Variants in TBC1D19 observed in about 807,000 individuals in gnomAD.
TBC1D19 encodes TBC1 domain family member 19, also known as TBC1 domain family, member 19.
TBC1D19 carries 60 observed loss-of-function variants against 89.0 expected under a neutral mutation model. The observed-to-expected ratio is 0.67, with a 90% CI of 0.55 to 0.84. The LOEUF (loss-of-function observed/expected upper bound fraction) is 0.84. Among genes scored for constraint, TBC1D19 ranks in the 40% least tolerant of loss-of-function variants. The pLI is 0.00. For missense variants in TBC1D19, 500 were observed against 610.8 expected, an observed-to-expected ratio of 0.82 and a Z score of 1.91; for synonymous variants, 189 against 199.7, an observed-to-expected ratio of 0.95 and a Z score of 0.45.
At chr4:26,681,018 C>A (rs1236362361) in intron 11 of TBC1D19, among the ~76,000 whole-genome samples, 1 of 152,044 alleles carries the variant, frequency 6.6e-6, no homozygotes, top group Admixed American at 6.5e-5. Flanking sequence ...TTATGAATGA[C>A]AAATCATTGA....
chr4:26,583,893 C>G (rs751673684), upstream of TBC1D19: 3 of 375,794 alleles, frequency 8.0e-6, no homozygotes, highest in Non-Finnish European at 9.9e-6. Flanking sequence ...CGCTGTGGCT[C>G]TGAAAGAATG....
intron 13 of TBC1D19, among the ~76,000 whole-genome samples, chr4:26,709,448 GTTTCC>G (rs1007314655): frequency 2.0e-5 from 3 of 152,028 alleles, no homozygotes; most frequent in African/African-American, 7.2e-5. Flanking sequence ...CAACAACAGT[GTTTCC>G]TTCCTCCGAT....
At chr4:26,638,309 T>C (rs138850400) in intron 5 of TBC1D19, among the ~76,000 whole-genome samples, 1 of 151,774 alleles carries the variant, frequency 6.6e-6, no homozygotes, top group African/African-American at 2.4e-5. Context: ...AAGGATGGTG[T>C]TTAAAAAGGG....
rs188114757 is a variant in TBC1D19, at chr4:26,690,818, C to T, written c.954+2411C>T. On this transcript the variant is annotated intron_variant, in intron 13 of 20. Coordinates refer to ENST00000264866, the MANE Select transcript of TBC1D19 (RefSeq NM_018317.4). ...AATGTTGTTTTCATACCTAGTAACACGACATCCATTCTGCAGCCCATGGAT... is the reference window on the plus strand; with the variant it reads ...AATGTTGTTTTCATACCTAGTAACATGACATCCATTCTGCAGCCCATGGAT... Among the ~76,000 whole-genome samples the T allele has an allele frequency of 2.0e-3, 300 of 152,298 alleles. 1 individual carries two copies. Among genetic ancestry groups the T allele is most frequent in the African/African-American group, 6.3e-3 (263 of 41,562 alleles).
upstream of TBC1D19, among the ~76,000 whole-genome samples, chr4:26,582,623 A>T (rs974524175): frequency 6.6e-6 from 1 of 152,234 alleles, no homozygotes; most frequent in Non-Finnish European, 1.5e-5. Flanking sequence ...GAAGGACTAT[A>T]AAGAGTTGAC....
intron 13 of TBC1D19, among the ~76,000 whole-genome samples, chr4:26,709,055 G>T (rs1173929318): frequency 6.6e-6 from 1 of 150,736 alleles, no homozygotes; most frequent in Non-Finnish European, 1.5e-5. Context: ...TGTTGTTGTT[G>T]TTGAAAAAGG....
the TBC1D19 span, among the ~76,000 whole-genome samples, chr4:26,817,981 A>ATATATATATATATATAT: frequency 2.9e-4 from 37 of 126,032 alleles, no homozygotes; most frequent in African/African-American, 1.3e-3. Flanking sequence ...AAAAAAAAAA[A>ATATATATATATATATAT]ATATATATAT....
chr4:26,774,808 T>TG, the TBC1D19 span, among the ~76,000 whole-genome samples: 5 of 152,192 alleles, frequency 3.3e-5, no homozygotes, highest in Admixed American at 6.5e-5. Context: ...CTGTTTGCAT[T>TG]GCTAAAAGTT....
intron 7 of TBC1D19, among the ~76,000 whole-genome samples, chr4:26,645,607 C>G (rs375811160): frequency 2.0e-5 from 3 of 152,060 alleles, no homozygotes; most frequent in Admixed American, 1.3e-4. Flanking sequence ...AAGGACTTCA[C>G]GTCTAAAACA....
chr4:26,735,574 T>C, intron 16 of TBC1D19, 87 bp downstream of exon 16: 2 of 1,230,842 alleles, frequency 1.6e-6, no homozygotes, highest in Non-Finnish European at 2.2e-6. Context: ...ACAGATATAA[T>C]TGTTTTACTA....
intron 4 of TBC1D19, among the ~76,000 whole-genome samples, chr4:26,630,430 CTATT>C (rs1742734564): frequency 6.6e-6 from 1 of 151,960 alleles, no homozygotes; most frequent in Non-Finnish European, 1.5e-5. Context: ...TAGAAACCAT[CTATT>C]TATTTATTTT....
chr4:26,645,805 A>G (rs928480784), intron 7 of TBC1D19, among the ~76,000 whole-genome samples: 4 of 152,234 alleles, frequency 2.6e-5, no homozygotes, highest in Non-Finnish European at 5.9e-5. Flanking sequence ...AAACACATTT[A>G]CAAGAAAAAA....
At chr4:26,767,420 A>G in the TBC1D19 span, among the ~76,000 whole-genome samples, 1 of 152,156 alleles carries the variant, frequency 6.6e-6, no homozygotes, top group Non-Finnish European at 1.5e-5. Context: ...CTGAGTGTTT[A>G]TGCCCCACTC....
At chr4:26,851,856 C>A in the TBC1D19 span, among the ~76,000 whole-genome samples, 1 of 152,234 alleles carries the variant, frequency 6.6e-6, no homozygotes, top group South Asian at 2.1e-4. Context: ...GCTGGGACTA[C>A]AGGCGTGTGC....
chr4:26,586,945 T>A (rs2109934813), intron 1 of TBC1D19, among the ~76,000 whole-genome samples: 1 of 152,314 alleles, frequency 6.6e-6, no homozygotes, highest in South Asian at 2.1e-4. Flanking sequence ...TTATTTCTTT[T>A]TCTTGACTTA....
At chr4:26,634,712 GATAAA>G (rs1355688622) in intron 4 of TBC1D19, among the ~76,000 whole-genome samples, 2 of 152,026 alleles carry the variant, frequency 1.3e-5, no homozygotes, top group African/African-American at 4.8e-5. Context: ...GGTAGGAAAT[GATAAA>G]ATAGACTACT....
the TBC1D19 span, among the ~76,000 whole-genome samples, chr4:26,774,949 T>A: frequency 6.6e-6 from 1 of 152,216 alleles, no homozygotes; most frequent in South Asian, 2.1e-4. Flanking sequence ...GTTAAGGAAT[T>A]TCCTTTCTAT....
intron 7 of TBC1D19, 130 bp from the exon 8 acceptor site, chr4:26,659,467 A>T: frequency 2.0e-6 from 1 of 505,650 alleles, no homozygotes; most frequent in Non-Finnish European, 3.6e-6. Flanking sequence ...TTTAGAATGT[A>T]ATTAAAGTAT....
At chr4:26,719,730 A>T (rs185403100) in intron 14 of TBC1D19, among the ~76,000 whole-genome samples, 70 of 152,226 alleles carry the variant, frequency 4.6e-4, no homozygotes, top group Non-Finnish European at 8.8e-4. Context: ...AAAGCTTAAG[A>T]CTTGCTTTAA....
Sources: gnomAD v4.1 joint callset for allele counts (sites outside exome capture counted in the v4.1 genomes callset) on GRCh38, gnomAD v4.1.1 for gene constraint, MANE v1.5 for transcripts, NCBI Gene and HGNC (gene_info 2026-07-23, HGNC 2026-07-21) for gene names.